The following WWC2 variants were observed in gnomAD, a reference collection of about 807,000 sequenced individuals.
WWC2 encodes protein WWC2.
WWC2 carries 101 observed loss-of-function variants against 138.5 expected under a neutral mutation model. The ratio of observed to expected loss-of-function variants is 0.73; its 90% CI spans 0.62 to 0.86. The LOEUF is 0.86. Ranked by LOEUF, WWC2 falls within the 40% of genes least tolerant of loss-of-function variation. WWC2 has a pLI of 0.00. For synonymous variants in WWC2, 558 were observed against 538.4 expected (o/e 1.04, Z -0.50); for missense variants, 1,420 against 1,419.4 (o/e 1.00, Z -0.01).
chr4:183,144,425 T>C (rs1439242798), intron 1 of WWC2, among the ~76,000 whole-genome samples: 1 of 152,162 alleles, frequency 6.6e-6, no homozygotes, highest in African/African-American at 2.4e-5. Context: ...AAAAAAACTT[T>C]AGTGTCCTAT....
rs1411658146 is a variant in WWC2 at position 183,318,146 on chromosome 4, A to G, written c.*2417A>G. 1 of 152,484 alleles carries G rather than the reference A, an allele frequency of 6.6e-6. No individual in the cohort carries two copies. The highest frequency in any genetic ancestry group is 2.4e-5 in the African/African-American group (1 of 41,436). The allele number at this position is 152,484 out of a possible 1,614,324, so 9.4% of individuals were successfully genotyped here. The stretch of plus-strand genomic sequence containing the variant: ...ATTCGCACAGGGTAAAAAGAATGTA[A>G]TATTTAGTTCTCAAGTTTGAATTAT... On this transcript the variant is annotated 3_prime_UTR_variant, in exon 23 of 23. Coordinates refer to ENST00000403733, the MANE Select transcript of WWC2 (RefSeq NM_024949.6).
chr4:183,167,079 C>T (rs1482632636), intron 1 of WWC2, among the ~76,000 whole-genome samples: 1 of 152,154 alleles, frequency 6.6e-6, no homozygotes, highest in African/African-American at 2.4e-5. Flanking sequence ...CAGGACAAAC[C>T]ACCATGGTTT....
intron 21 of WWC2, among the ~76,000 whole-genome samples, chr4:183,296,569 A>G (rs1226414862): frequency 6.6e-6 from 1 of 152,150 alleles, no homozygotes; most frequent in African/African-American, 2.4e-5. Context: ...ATACCTGTGC[A>G]TAATTCTGGC....
intron 1 of WWC2, among the ~76,000 whole-genome samples, chr4:183,117,372 C>T (rs1732446353): frequency 6.6e-6 from 1 of 151,776 alleles, no homozygotes; most frequent in South Asian, 2.1e-4. Flanking sequence ...AGGTGCCCGC[C>T]ACCATGCCCA....
rs1739540473 is a variant in WWC2, at chr4:183,318,978, C to T, written c.*3249C>T. On this transcript the variant is annotated 3_prime_UTR_variant, in exon 23 of 23. Transcript: ENST00000403733. Reference sequence around the variant, plus strand: ...GAATCATCCAAAACCCAAGATCGCCCTCCTGCCTCTGACAGTATAGAAGGC... The same window carrying T: ...GAATCATCCAAAACCCAAGATCGCCTTCCTGCCTCTGACAGTATAGAAGGC... The T allele has an allele frequency of 6.6e-6, 1 of 152,414 alleles. No homozygotes were observed. Among genetic ancestry groups the T allele is most frequent in the African/African-American group, 2.4e-5 (1 of 41,442 alleles). 9.4% of individuals were successfully genotyped at this position (152,414 alleles called of 1,614,324 possible). A position where few individuals can be genotyped will look rare whatever the true frequency, so the allele number is the denominator to read the frequency against.
chr4:183,200,282 A>G (rs142592095), intron 2 of WWC2, among the ~76,000 whole-genome samples: 2,046 of 152,296 alleles, frequency 0.013, 144 homozygotes, highest in Admixed American at 0.12. Flanking sequence ...TTATTGAAAT[A>G]TACCGTGTCC....
intron 1 of WWC2, among the ~76,000 whole-genome samples, chr4:183,121,758 T>C (rs1404543703): frequency 6.6e-6 from 1 of 151,894 alleles, no homozygotes; most frequent in Non-Finnish European, 1.5e-5. Flanking sequence ...ATGAGTGAGG[T>C]TGGACATTTT....
At chr4:183,259,920 T>C (rs1553972768) in intron 10 of WWC2, among the ~76,000 whole-genome samples, 192 bp downstream of exon 10, 1 of 152,244 alleles carries the variant, frequency 6.6e-6, no homozygotes, top group Non-Finnish European at 1.5e-5. Context: ...TGGAATACAT[T>C]TGAAATATGT....
intron 21 of WWC2, among the ~76,000 whole-genome samples, chr4:183,301,041 A>T (rs1738823619): frequency 6.6e-6 from 1 of 152,278 alleles, no homozygotes; most frequent in East Asian, 1.9e-4. Flanking sequence ...ACTTTTCGTG[A>T]TATATCCCTT....
intron 1 of WWC2, among the ~76,000 whole-genome samples, chr4:183,146,394 G>C (rs1269128408): frequency 6.6e-6 from 1 of 152,226 alleles, no homozygotes; most frequent in Non-Finnish European, 1.5e-5. Context: ...CTCTCTAGAT[G>C]AGGGCCGTAG....
intron 18 of WWC2, 91 bp downstream of exon 18, chr4:183,282,997 TC>T: frequency 7.5e-7 from 1 of 1,326,406 alleles, no homozygotes; most frequent in Non-Finnish European, 1.0e-6. Flanking sequence ...AGGTGTAAAT[TC>T]CATGTCAGGA....
chr4:183,133,135 C>G (rs1246774869), intron 1 of WWC2, among the ~76,000 whole-genome samples: 1 of 88,726 alleles, frequency 1.1e-5, no homozygotes, highest in South Asian at 3.3e-4. Context: ...TTTTTCTTTT[C>G]TTTCTTTCTT....
rs776211338 is a variant in WWC2 at position 183,296,933 on chromosome 4, C to CAAAAAAA, written c.3384+7328_3384+7334dup. On this transcript the variant is annotated intron_variant, in intron 21 of 22. Transcript: ENST00000403733. ...TGGGCAACAGAGCGAGACTCCGTCTCAAAAAAAAAAAAAAAAAAAAAAAAA... is the reference window on the plus strand; with the variant it reads ...TGGGCAACAGAGCGAGACTCCGTCTCAAAAAAAAAAAAAAAAAAAAAAAAAAAAAAAA... Among the ~76,000 whole-genome samples, 13 of 70,756 alleles carry CAAAAAAA rather than the reference C, an allele frequency of 1.8e-4. 1 individual carries two copies. Among genetic ancestry groups the CAAAAAAA allele is most frequent in the African/African-American group, 8.1e-4 (13 of 15,960 alleles). The allele number at this position is 70,756 out of a possible 152,430, so 46.4% of individuals were successfully genotyped here. A position where few individuals can be genotyped will look rare whatever the true frequency, so the allele number is the denominator to read the frequency against.
At chr4:183,101,959 A>T (rs1327496207) in intron 1 of WWC2, among the ~76,000 whole-genome samples, 1 of 152,216 alleles carries the variant, frequency 6.6e-6, no homozygotes, top group Non-Finnish European at 1.5e-5. Flanking sequence ...AATTTGTTGA[A>T]TATTTCTGAT....
intron 1 of WWC2, among the ~76,000 whole-genome samples, chr4:183,160,968 T>C (rs1342754617): frequency 1.3e-5 from 2 of 152,010 alleles, no homozygotes; most frequent in African/African-American, 4.8e-5. Flanking sequence ...GAGCAACTTA[T>C]TAGGAGACAA....
At chr4:183,114,610 A>G (rs1732351596) in intron 1 of WWC2, among the ~76,000 whole-genome samples, 1 of 151,816 alleles carries the variant, frequency 6.6e-6, no homozygotes, top group African/African-American at 2.4e-5. Flanking sequence ...ACATGGCAAT[A>G]TTTTTTGTGA....
At chr4:183,191,343 A>G (rs954806335) in intron 1 of WWC2, among the ~76,000 whole-genome samples, 57 of 152,108 alleles carry the variant, frequency 3.7e-4, no homozygotes, top group African/African-American at 1.4e-3. Flanking sequence ...GCCAGTTTCC[A>G]TATTTGGGCA....
chr4:183,264,947 C>G lies in WWC2; in HGVS notation c.1910-31C>G, dbSNP rs553195280. 7.9e-5 allele frequency: 126 copies of G among 1,591,216 alleles called. 2 individuals carry two copies. In the South Asian group the frequency reaches 1.3e-3, roughly 16 times the overall value. Reference sequence around the variant, plus strand: ...ACTTAACTTTTCCAAATAAGACATTCTGATTAGTGCTCTCACCCTCCCCTC... The same window carrying G: ...ACTTAACTTTTCCAAATAAGACATTGTGATTAGTGCTCTCACCCTCCCCTC... On this transcript the variant is annotated intron_variant, in intron 11 of 22. Transcript: ENST00000403733.
At chr4:183,292,253 G>GACAC in intron 21 of WWC2, among the ~76,000 whole-genome samples, 1 of 150,908 alleles carries the variant, frequency 6.6e-6, no homozygotes. Flanking sequence ...CAAACACACA[G>GACAC]ACACACACAC....
Sources: allele counts gnomAD v4.1 joint callset (sites outside exome capture counted in the v4.1 genomes callset), GRCh38; gene constraint gnomAD v4.1.1; transcripts MANE v1.5; gene names NCBI Gene and HGNC (gene_info 2026-07-23, HGNC 2026-07-21).